The following TLL1 variants were observed in gnomAD, a reference collection of about 807,000 sequenced individuals.
The protein encoded by TLL1 is tolloid-like protein 1.
TLL1 carries 49 observed loss-of-function variants against 128.2 expected under a neutral mutation model. The ratio of observed to expected loss-of-function variants is 0.38; its 90% CI spans 0.30 to 0.48. The LOEUF is 0.48. Ranked by LOEUF, TLL1 falls within the 20% of genes least tolerant of loss-of-function variation. The pLI, the probability that TLL1 is intolerant of heterozygous loss-of-function variation, is 0.96. For synonymous variants in TLL1, 454 were observed against 418.8 expected, an observed-to-expected ratio of 1.08 and a Z score of -1.03; for missense variants, 1,123 against 1,242.0, an observed-to-expected ratio of 0.90 and a Z score of 1.44.
rs114345794 is a variant in TLL1, at chr4:166,089,813, C to T, written c.2443-1315C>T. ...TTAAGTAGAGTGCAGTGGAAAGAGA[C>T]AAAAGAGAGATCAGCTTTTTTTCCC... On this transcript the variant is annotated intron_variant, in intron 18 of 20. Coordinates refer to ENST00000061240, the MANE Select transcript of TLL1 (RefSeq NM_012464.5). Among the ~76,000 whole-genome samples, 829 of 152,072 alleles carry T rather than the reference C, an allele frequency of 5.5e-3. 8 individuals carry two copies. The highest frequency in any genetic ancestry group is 0.019 in the African/African-American group (803 of 41,466).
chr4:166,035,979 G>C (rs966718399), intron 9 of TLL1, among the ~76,000 whole-genome samples: 1 of 152,116 alleles, frequency 6.6e-6, no homozygotes, highest in African/African-American at 2.4e-5. Context: ...ACTTGTGCAG[G>C]CTTCTTCTGG....
chr4:166,011,413 G>T (rs958431936), intron 7 of TLL1, among the ~76,000 whole-genome samples: 2 of 151,300 alleles, frequency 1.3e-5, no homozygotes, highest in Non-Finnish European at 3.0e-5. Context: ...AATGGAATCA[G>T]TTATCTTTTG....
chr4:165,972,520 G>A (rs1735673491), intron 1 of TLL1, among the ~76,000 whole-genome samples: 1 of 152,172 alleles, frequency 6.6e-6, no homozygotes, highest in South Asian at 2.1e-4. Context: ...GGGGTGGGGA[G>A]TAAACACATT....
At chr4:165,933,258 G>A (rs1185794356) in intron 1 of TLL1, among the ~76,000 whole-genome samples, 2 of 152,112 alleles carry the variant, frequency 1.3e-5, no homozygotes, top group Non-Finnish European at 2.9e-5. Flanking sequence ...TGTTATCTGG[G>A]TACATAGAGC....
At chr4:166,078,339 A>G (rs1013098858) in intron 18 of TLL1, among the ~76,000 whole-genome samples, 16 of 152,224 alleles carry the variant, frequency 1.1e-4, no homozygotes, top group African/African-American at 3.4e-4. Context: ...TTTGGAAAAT[A>G]AACGATGGAA....
intron 1 of TLL1, among the ~76,000 whole-genome samples, chr4:165,885,772 T>A (rs1379496532): frequency 6.6e-6 from 1 of 152,098 alleles, no homozygotes; most frequent in Non-Finnish European, 1.5e-5. Context: ...GCCTATTCTG[T>A]CAAGTTTGAG....
intron 1 of TLL1, among the ~76,000 whole-genome samples, chr4:165,901,425 T>G (rs1731982637): frequency 6.6e-6 from 1 of 152,206 alleles, no homozygotes; most frequent in Non-Finnish European, 1.5e-5. Context: ...GATGGGGTTT[T>G]TGTGTGGATG....
rs192340677 is a variant in TLL1, at chr4:165,975,959, A to G, written c.170-13422A>G. On this transcript the variant is annotated intron_variant, in intron 1 of 20. Coordinates refer to ENST00000061240, the MANE Select transcript of TLL1 (RefSeq NM_012464.5). ...AGGCTGAGACAGGAGAATTGCTGGA[A>G]TCCGGGAGGTAGAGGTTGCAGTAAG... 1.1e-3 allele frequency among the ~76,000 whole-genome samples: 156 copies of G among 140,446 alleles called. 1 individual carries two copies. Among genetic ancestry groups the G allele is most frequent in the African/African-American group, 4.0e-3 (153 of 38,312 alleles). The allele number at this position is 140,446 out of a possible 152,430, so 92.1% of individuals were successfully genotyped here. A position where few individuals can be genotyped will look rare whatever the true frequency, so the allele number is the denominator to read the frequency against.
chr4:165,892,288 C>T (rs545399412), intron 1 of TLL1, among the ~76,000 whole-genome samples: 1 of 152,298 alleles, frequency 6.6e-6, no homozygotes, highest in African/African-American at 2.4e-5. Context: ...ACCATGTCAA[C>T]ACTCATTCAA....
chr4:165,877,823 T>C (rs1216947917), intron 1 of TLL1, among the ~76,000 whole-genome samples: 1 of 151,712 alleles, frequency 6.6e-6, no homozygotes, highest in Non-Finnish European at 1.5e-5. Flanking sequence ...TTAAGAAAGC[T>C]CAGGCAATTG....
In TLL1 at chr4:166,038,856, A is replaced by T. The variant is rs77180921; in HGVS notation, c.1159-483A>T. Among the ~76,000 whole-genome samples the T allele has an allele frequency of 7.0e-4, 106 of 152,304 alleles. 1 individual carries two copies. In the East Asian group the frequency reaches 0.02, roughly 29 times the overall value. ...ACATTTCAACATGCACAATGATATT[A>T]TATGTTCTGGGAAAGTGGCACATGG... On this transcript the variant is annotated intron_variant, in intron 9 of 20. Coordinates refer to ENST00000061240, the MANE Select transcript of TLL1 (RefSeq NM_012464.5).
At chr4:165,884,239 T>C (rs1731081798) in intron 1 of TLL1, among the ~76,000 whole-genome samples, 1 of 152,242 alleles carries the variant, frequency 6.6e-6, no homozygotes, top group African/African-American at 2.4e-5. Flanking sequence ...ATTAATCACA[T>C]AATTGCATGC....
intron 19 of TLL1, among the ~76,000 whole-genome samples, chr4:166,093,510 T>C (rs985964649): frequency 2.6e-5 from 4 of 152,186 alleles, no homozygotes; most frequent in African/African-American, 9.6e-5. Flanking sequence ...TATTTCAGAA[T>C]TGAACAAATG....
intron 1 of TLL1, among the ~76,000 whole-genome samples, chr4:165,916,292 A>G (rs1469037222): frequency 1.3e-5 from 2 of 152,218 alleles, no homozygotes; most frequent in East Asian, 3.9e-4. Flanking sequence ...TGTTACTTAG[A>G]AAACATATTT....
rs372663924 is a variant in TLL1 at position 166,042,028 on chromosome 4, T to C, written c.1263T>C (p.Gly421=). Residue 421 remains glycine, a splice_region_variant and synonymous_variant, in exon 11 of 21, where the codon GGT becomes GGC. Transcript: ENST00000061240. Reference sequence around the variant, plus strand: ...TCTTTATTCTTTTATTTCTTTTAGGTAGATTCTGTGGGGACAAATTGCCTG... The same window carrying C: ...TCTTTATTCTTTTATTTCTTTTAGGCAGATTCTGTGGGGACAAATTGCCTG... ...DGYWRKSPLL[G]RFCGDKLPEV... is the part of the protein sequence containing the mutation. 1 of 1,604,450 alleles carries C rather than the reference T, an allele frequency of 6.2e-7. No homozygotes were observed. Among genetic ancestry groups the C allele is most frequent in the Non-Finnish European group, 8.5e-7 (1 of 1,171,838 alleles).
intron 19 of TLL1, among the ~76,000 whole-genome samples, chr4:166,094,810 T>C (rs1478601433): frequency 1.3e-5 from 2 of 152,160 alleles, no homozygotes; most frequent in Non-Finnish European, 2.9e-5. Context: ...CTGCTTTTAT[T>C]TCTCCTCAAA....
intron 1 of TLL1, among the ~76,000 whole-genome samples, chr4:165,962,279 C>A (rs915026424): frequency 6.6e-6 from 1 of 152,166 alleles, no homozygotes; most frequent in Admixed American, 6.5e-5. Context: ...ACAGACACTT[C>A]TCAAAAGAAG....
At chr4:165,973,469 G>T (rs755550240) in intron 1 of TLL1, among the ~76,000 whole-genome samples, 1 of 151,872 alleles carries the variant, frequency 6.6e-6, no homozygotes, top group Non-Finnish European at 1.5e-5. Context: ...AGGTTTTGTA[G>T]ATCCTTTTGG....
chr4:165,925,460 C>G (rs549942698), intron 1 of TLL1, among the ~76,000 whole-genome samples: 1 of 152,206 alleles, frequency 6.6e-6, no homozygotes, highest in East Asian at 1.9e-4. Flanking sequence ...GAAGTAAAAC[C>G]TGAAGATGTG....
Sources: gnomAD v4.1 joint callset for allele counts (sites outside exome capture counted in the v4.1 genomes callset) on GRCh38, gnomAD v4.1.1 for gene constraint, MANE v1.5 for transcripts, NCBI Gene and HGNC (gene_info 2026-07-23, HGNC 2026-07-21) for gene names.